Variants in UROS observed in about 807,000 individuals in gnomAD.
UROS encodes the protein uroporphyrinogen III synthase, also known as uroporphyrinogen-III synthase.
UROS carries 18 observed loss-of-function variants against 33.0 expected under a neutral mutation model. That is an observed-to-expected ratio of 0.55 (90% CI 0.38 to 0.81). The LOEUF (loss-of-function observed/expected upper bound fraction) is 0.81. UROS is among the 30% of genes least tolerant of loss of function. UROS has a pLI of 0.00. For missense variants in UROS, 293 were observed against 314.9 expected (o/e 0.93, Z 0.53); for synonymous variants, 114 against 121.1 (o/e 0.94, Z 0.38).
chr10:125,786,859 A>G (rs1850646741), downstream of UROS, among the ~76,000 whole-genome samples: 1 of 152,198 alleles, frequency 6.6e-6, no homozygotes, highest in South Asian at 2.1e-4. Flanking sequence ...CTTCAGAACC[A>G]GGGTTTCTCC....
intron 7 of UROS, chr10:125,796,766 G>A (rs1233755594): frequency 1.9e-5 from 19 of 984,382 alleles, no homozygotes; most frequent in Non-Finnish European, 2.2e-5. Context: ...TGGTGATGAG[G>A]CGCTAGGCAC....
intron 6 of UROS, chr10:125,802,713 G>A (rs1851946269): frequency 2.2e-6 from 3 of 1,358,008 alleles, no homozygotes; most frequent in Admixed American, 6.3e-5. Context: ...ACATTCTAGA[G>A]AAAGCCTAGC....
rs542218442 is a variant in UROS, at chr10:125,796,083, C to G, written c.561+20G>C. 6.2e-7 allele frequency: 1 copy of G among 1,613,456 alleles called. No individual in the cohort carries two copies. ...ACCTGGGCACCCACCCTGCCAGAACCGCCCCCAAACGCCACGTACCTGCTG... is the reference window on the plus strand; with the variant it reads ...ACCTGGGCACCCACCCTGCCAGAACGGCCCCCAAACGCCACGTACCTGCTG... On this transcript the variant is annotated intron_variant, in intron 8 of 9. Coordinates refer to ENST00000368797, the MANE Select transcript of UROS (RefSeq NM_000375.3).
rs139388833 is a variant in UROS, at chr10:125,794,906, A to G, written c.634T>C (p.Ser212Pro). The G allele has an allele frequency of 2.5e-6, 4 of 1,614,148 alleles. No homozygotes were observed. Among genetic ancestry groups the G allele is most frequent in the Non-Finnish European group, 3.4e-6 (4 of 1,179,982 alleles). ...TYSLKHIQELSGDNIDQIKFA... is the reference protein window; with the variant it reads ...TYSLKHIQELPGDNIDQIKFA... ...TTAATTTGATCGATATTGTCACCAG[A>G]TAACTCCTGAATGTGCTTGAGACTG... Residue 212 changes from serine to proline, a missense_variant, in exon 9 of 10, where the codon TCT becomes CCT. Ser to Pro is a moderately conservative substitution (Grantham distance 74, BLOSUM62 -1). Coordinates refer to ENST00000368797, the MANE Select transcript of UROS (RefSeq NM_000375.3).
chr10:125,818,266 T>C (rs976811345), intron 1 of UROS, among the ~76,000 whole-genome samples: 6 of 152,106 alleles, frequency 3.9e-5, no homozygotes, highest in African/African-American at 1.2e-4. Flanking sequence ...GAGGATTGCT[T>C]GAGAGCAGGA....
rs1853300004 is a variant in UROS at position 125,816,161 on chromosome 10, TCAC to T, written c.147+13_147+15del. 1 of 1,611,842 alleles carries T rather than the reference TCAC, an allele frequency of 6.2e-7. No homozygotes were observed. The highest frequency in any genetic ancestry group is 1.1e-5 in the South Asian group (1 of 91,032). Reference sequence around the variant, plus strand: ...AATCAAACACTAACATGGTGCTCAGTCACAACAGGCCTTACCTTCTCAGAGAAA... The same window carrying T: ...AATCAAACACTAACATGGTGCTCAGTAACAGGCCTTACCTTCTCAGAGAAA... On this transcript the variant is annotated intron_variant, in intron 3 of 9. Transcript: ENST00000368797.
chr10:125,821,210 C>T (rs1853850811), intron 1 of UROS, among the ~76,000 whole-genome samples: 1 of 152,202 alleles, frequency 6.6e-6, no homozygotes, highest in Non-Finnish European at 1.5e-5. Flanking sequence ...ACATTATTTA[C>T]AACAGCTAAA....
chr10:125,789,041 A>G (rs1589907732), intron 9 of UROS, 36 bp from the exon 10 acceptor site: 1 of 1,611,238 alleles, frequency 6.2e-7, no homozygotes, highest in East Asian at 2.2e-5. Flanking sequence ...GCTTCAGCAC[A>G]CCAGGAGGGG....
chr10:125,803,342 A>T (rs995832288), intron 6 of UROS, among the ~76,000 whole-genome samples: 2 of 152,178 alleles, frequency 1.3e-5, no homozygotes, highest in African/African-American at 2.4e-5. Context: ...CATTTCTGTT[A>T]TGCCCCCAGA....
chr10:125,808,736 G>C (rs1852549135), intron 5 of UROS, among the ~76,000 whole-genome samples: 1 of 152,256 alleles, frequency 6.6e-6, no homozygotes, highest in African/African-American at 2.4e-5. Context: ...TACTGTACTT[G>C]AGAGGGAAGG....
At chr10:125,816,813 C>G (rs182479303) in intron 1 of UROS, among the ~76,000 whole-genome samples, 1 of 152,308 alleles carries the variant, frequency 6.6e-6, no homozygotes, top group Non-Finnish European at 1.5e-5. Context: ...GGAAAGAGAA[C>G]TGATGTAAAT....
intron 6 of UROS, among the ~76,000 whole-genome samples, chr10:125,806,314 G>A (rs776042510): frequency 6.6e-6 from 1 of 151,934 alleles, no homozygotes; most frequent in Non-Finnish European, 1.5e-5. Context: ...CCTATTTAAG[G>A]TATACTCTCT....
At chr10:125,816,053 T>G in intron 3 of UROS, 124 bp downstream of exon 3, 1 of 1,025,270 alleles carries the variant, frequency 9.8e-7, no homozygotes, top group Non-Finnish European at 1.5e-6. Flanking sequence ...CCAGGTGAAG[T>G]TATGCTGCCA....
intron 4 of UROS, among the ~76,000 whole-genome samples, chr10:125,813,197 T>A (rs1298422027): frequency 6.6e-6 from 1 of 152,178 alleles, no homozygotes; most frequent in East Asian, 1.9e-4. Context: ...TCAGAAAGCC[T>A]TCCACAGAGC....
At chr10:125,794,514 C>A in intron 9 of UROS, 3 of 351,670 alleles carry the variant, frequency 8.5e-6, no homozygotes, top group South Asian at 4.2e-5. Flanking sequence ...ACAATAATGG[C>A]AAACATAAGA....
At chr10:125,799,824 A>C (rs1467767102) in intron 6 of UROS, among the ~76,000 whole-genome samples, 3 of 150,664 alleles carry the variant, frequency 2.0e-5, no homozygotes, top group African/African-American at 7.3e-5. Context: ...GCTGGTGAGG[A>C]GAGATCTACA....
At chr10:125,795,937 A>C (rs906684349) in intron 8 of UROS, among the ~76,000 whole-genome samples, 166 bp downstream of exon 8, 7 of 152,148 alleles carry the variant, frequency 4.6e-5, no homozygotes, top group African/African-American at 1.7e-4. Context: ...TTCCATTCCT[A>C]ATTCTAGAAT....
intron 1 of UROS, among the ~76,000 whole-genome samples, chr10:125,821,626 G>GT (rs796746723): frequency 7.2e-5 from 11 of 152,300 alleles, no homozygotes; most frequent in African/African-American, 2.6e-4. Flanking sequence ...TGTATGTTAT[G>GT]TATCTTTTAC....
intron 1 of UROS, among the ~76,000 whole-genome samples, chr10:125,818,357 G>A (rs1853542950): frequency 6.6e-6 from 1 of 152,122 alleles, no homozygotes; most frequent in Admixed American, 6.5e-5. Flanking sequence ...GCCGGGCATA[G>A]TGGCGCATCC....
Sources: allele counts gnomAD v4.1 joint callset (sites outside exome capture counted in the v4.1 genomes callset), GRCh38; gene constraint gnomAD v4.1.1; transcripts MANE v1.5; gene names NCBI Gene and HGNC (gene_info 2026-07-23, HGNC 2026-07-21).